TMEM132C: variants seen among roughly 807,000 people sequenced by gnomAD.
The protein encoded by TMEM132C is transmembrane protein 132C.
A neutral mutation model predicts 61.4 loss-of-function variants in TMEM132C; 29 were observed. The ratio of observed to expected loss-of-function variants is 0.47; its 90% CI spans 0.35 to 0.64. The LOEUF (loss-of-function observed/expected upper bound fraction) is 0.64. Ranked by LOEUF, TMEM132C falls within the 30% of genes least tolerant of loss-of-function variation. The pLI is 0.00. For missense variants in TMEM132C, 1,408 were observed against 1,476.9 expected (o/e 0.95, Z 0.76); for synonymous variants, 656 against 633.1 (o/e 1.04, Z -0.54).
chr12:128,550,840 G>A (rs1273814700), intron 3 of TMEM132C, among the ~76,000 whole-genome samples: 1 of 152,190 alleles, frequency 6.6e-6, no homozygotes, highest in Non-Finnish European at 1.5e-5. Context: ...TCACTTTTGT[G>A]CACTTGTGCG....
intron 5 of TMEM132C, among the ~76,000 whole-genome samples, chr12:128,690,444 A>C (rs960501773): frequency 1.3e-5 from 2 of 152,172 alleles, no homozygotes; most frequent in African/African-American, 4.8e-5. Flanking sequence ...CAGGAATAGC[A>C]GTGACGATGG....
intron 3 of TMEM132C, among the ~76,000 whole-genome samples, chr12:128,612,655 TGGAACCTGGTC>T (rs1876674578): frequency 6.6e-6 from 1 of 152,246 alleles, no homozygotes; most frequent in Admixed American, 6.5e-5. Context: ...AAGGTCTGCG[TGGAACCTGGTC>T]CAGTGCCCGG....
At chr12:128,627,649 A>G (rs1954028398) in intron 4 of TMEM132C, among the ~76,000 whole-genome samples, 2 of 152,144 alleles carry the variant, frequency 1.3e-5, no homozygotes, top group Admixed American at 1.3e-4. Flanking sequence ...TGTGAACATT[A>G]ATCCTGTGAC....
intron 7 of TMEM132C, 60 bp from the exon 8 acceptor site, chr12:128,697,164 A>AG (rs745351990): frequency 3.6e-6 from 5 of 1,407,654 alleles, no homozygotes; most frequent in Non-Finnish European, 4.8e-6. Context: ...TTACTGGTAA[A>AG]GGGGATAACA....
At chr12:128,542,632 C>A (rs1006378289) in intron 2 of TMEM132C, among the ~76,000 whole-genome samples, 1 of 152,042 alleles carries the variant, frequency 6.6e-6, no homozygotes, top group South Asian at 2.1e-4. Context: ...GAGGCCAAGG[C>A]GGGTGGATCA....
intron 3 of TMEM132C, among the ~76,000 whole-genome samples, chr12:128,593,786 A>G (rs1168757217): frequency 6.6e-6 from 1 of 152,054 alleles, no homozygotes; most frequent in African/African-American, 2.4e-5. Flanking sequence ...TGAGAGACAT[A>G]GTACAGGGGC....
intron 4 of TMEM132C, among the ~76,000 whole-genome samples, chr12:128,646,918 C>A (rs1247911727): frequency 6.8e-6 from 1 of 146,522 alleles, no homozygotes; most frequent in African/African-American, 2.6e-5. Context: ...TTACTGGAGT[C>A]CATCAGTGTT....
At chr12:128,383,071 TGA>T in intron 1 of TMEM132C, among the ~76,000 whole-genome samples, 1 of 152,174 alleles carries the variant, frequency 6.6e-6, no homozygotes, top group Non-Finnish European at 1.5e-5. Context: ...TGTATGTGTA[TGA>T]GTCTGTATGC....
At chr12:128,584,070 C>T (rs1254448497) in intron 3 of TMEM132C, among the ~76,000 whole-genome samples, 3 of 152,202 alleles carry the variant, frequency 2.0e-5, no homozygotes, top group Non-Finnish European at 4.4e-5. Flanking sequence ...CCTGCCAAGG[C>T]ATATTTCTTA....
intron 1 of TMEM132C, among the ~76,000 whole-genome samples, chr12:128,306,075 G>T (rs1422054952): frequency 6.6e-6 from 1 of 152,100 alleles, no homozygotes; most frequent in East Asian, 1.9e-4. Context: ...AATGACACTA[G>T]ATTTTATTTT....
intron 2 of TMEM132C, among the ~76,000 whole-genome samples, chr12:128,535,376 TCAAA>T (rs60749460): frequency 0.46 from 69,218 of 151,202 alleles, 18,368 homozygotes; most frequent in Non-Finnish European, 0.6. Context: ...TACAAAGAAC[TCAAA>T]CAAATTTACA....
intron 3 of TMEM132C, among the ~76,000 whole-genome samples, chr12:128,562,827 C>T (rs941396358): frequency 3.3e-5 from 5 of 152,200 alleles, no homozygotes; most frequent in Non-Finnish European, 5.9e-5. Flanking sequence ...GAGCAGATTT[C>T]TCTCTTGTTT....
intron 2 of TMEM132C, among the ~76,000 whole-genome samples, chr12:128,508,371 C>G (rs1458853757): frequency 1.3e-5 from 2 of 152,210 alleles, no homozygotes; most frequent in African/African-American, 2.4e-5. Flanking sequence ...GGTGGGGACA[C>G]AGAGCCAAAC....
chr12:128,611,929 G>A (rs1029793095), intron 3 of TMEM132C, among the ~76,000 whole-genome samples: 1 of 152,176 alleles, frequency 6.6e-6, no homozygotes, highest in Non-Finnish European at 1.5e-5. Flanking sequence ...TCATCTCCAC[G>A]AAAGGGTCAA....
At chr12:128,648,565 T>G (rs1954234778) in intron 4 of TMEM132C, among the ~76,000 whole-genome samples, 1 of 151,836 alleles carries the variant, frequency 6.6e-6, no homozygotes, top group African/African-American at 2.4e-5. Flanking sequence ...TGAGTGTGTT[T>G]ACTGGAGTCC....
intron 1 of TMEM132C, among the ~76,000 whole-genome samples, chr12:128,318,945 C>T (rs1276147159): frequency 1.3e-5 from 2 of 152,152 alleles, no homozygotes; most frequent in Admixed American, 6.5e-5. Flanking sequence ...ATGGCAAAAA[C>T]ACTTCCCCCC....
chr12:128,377,436 G>T (rs1455403675), intron 1 of TMEM132C, among the ~76,000 whole-genome samples: 2 of 152,180 alleles, frequency 1.3e-5, no homozygotes, highest in Non-Finnish European at 2.9e-5. Context: ...CGTAGGTTGG[G>T]ATTCTATTGC....
intron 1 of TMEM132C, among the ~76,000 whole-genome samples, chr12:128,319,687 G>A (rs771496521): frequency 2.6e-5 from 4 of 151,964 alleles, no homozygotes; most frequent in South Asian, 2.1e-4. Flanking sequence ...TTACCCAGGC[G>A]TGGTGGTGGG....
intron 4 of TMEM132C, among the ~76,000 whole-genome samples, chr12:128,657,317 G>A (rs980308389): frequency 1.3e-5 from 2 of 152,196 alleles, no homozygotes; most frequent in South Asian, 2.1e-4. Flanking sequence ...GAGGGAAAAC[G>A]TAAGTTAATA....
Sources: allele counts gnomAD v4.1 joint callset (sites outside exome capture counted in the v4.1 genomes callset), GRCh38; gene constraint gnomAD v4.1.1; transcripts MANE v1.5; gene names NCBI Gene and HGNC (gene_info 2026-07-23, HGNC 2026-07-21).